RREB1: variants seen among roughly 807,000 people sequenced by gnomAD.
RREB1 encodes the protein ras-responsive element-binding protein 1.
Under a neutral mutation model 117.8 loss-of-function variants are expected in RREB1, and 27 were observed. The observed-to-expected ratio is 0.23, with a 90% CI of 0.17 to 0.32. RREB1 has a LOEUF of 0.32. RREB1 is among the 10% of genes least tolerant of loss of function. The pLI is 1.00. For synonymous variants in RREB1, 1,298 were observed against 1,026.7 expected (o/e 1.26, Z -5.05); for missense variants, 2,577 against 2,378.2 (o/e 1.08, Z -1.74).
chr6:7,226,409 A>C (rs1767588977), intron 8 of RREB1, 58 bp from the exon 9 acceptor site: 5 of 1,322,904 alleles, frequency 3.8e-6, no homozygotes, highest in Non-Finnish European at 5.1e-6. Flanking sequence ...CTCTGACTTA[A>C]CTGCTTCCTC....
intron 1 of RREB1, among the ~76,000 whole-genome samples, chr6:7,165,185 CTCTGGAGGCA>C (rs1763867351): frequency 6.6e-6 from 1 of 152,164 alleles, no homozygotes; most frequent in Non-Finnish European, 1.5e-5. Flanking sequence ...TTCCAAGAGG[CTCTGGAGGCA>C]AATATTTTAA....
chr6:7,187,617 G>A, intron 5 of RREB1, 94 bp downstream of exon 5: 1 of 544,220 alleles, frequency 1.8e-6, no homozygotes, highest in Non-Finnish European at 2.7e-6. Context: ...AGAAGAGGGG[G>A]AAGAGTAGAA....
intron 11 of RREB1, among the ~76,000 whole-genome samples, chr6:7,242,642 T>TCCCC (rs1554128689): frequency 7.4e-6 from 1 of 134,728 alleles, no homozygotes; most frequent in African/African-American, 2.8e-5. Flanking sequence ...CATTCTGGGT[T>TCCCC]CCCCCCCCCC....
At chr6:7,179,120 C>T (rs955817378) in intron 2 of RREB1, among the ~76,000 whole-genome samples, 1 of 152,094 alleles carries the variant, frequency 6.6e-6, no homozygotes, top group Non-Finnish European at 1.5e-5. Context: ...CCCTCCTCTC[C>T]ACTTCCTTCC....
At position 7,120,675 on chromosome 6, in the gene RREB1, A is replaced by AT. The variant is rs5874078; in HGVS notation, c.-285+12629dup. Among the ~76,000 whole-genome samples, 840 of 145,674 alleles carry AT rather than the reference A, an allele frequency of 5.8e-3. 13 individuals are homozygous for AT. In the East Asian group the frequency reaches 0.061, roughly 11 times the overall value. On this transcript the variant is annotated intron_variant, in intron 1 of 12. Transcript: ENST00000379938. ...TGATTTTTAGATGAGATGTACACCT[A>AT]TTTTTTTTTTTTTTGAGACAAGGCC...
intron 6 of RREB1, 114 bp from the exon 7 acceptor site, chr6:7,210,690 A>G: frequency 1.2e-6 from 1 of 824,534 alleles, no homozygotes; most frequent in Non-Finnish European, 1.9e-6. Context: ...ATTATACCTC[A>G]TATCTCTTAA....
Position 7,240,500 on chromosome 6 carries a change from C to T in RREB1, c.3871C>T (p.Arg1291Cys). ...CTTTTCTACCAAATCTAACTGTGAA[C>T]GCCACCAGTTGCGCAAACACGGAGT... is the stretch of plus-strand genomic sequence containing the variant. ...AFFSTKSNCE[R>C]HQLRKHGVTT... Residue 1291 changes from arginine (R) to cysteine (C), a missense_variant, in exon 11 of 13, where the codon CGC becomes TGC. By Grantham distance (180) the Arg-to-Cys change is radical. Coordinates refer to ENST00000379938, the MANE Select transcript of RREB1 (RefSeq NM_001003699.4). 1 of 1,613,940 alleles carries T rather than the reference C, an allele frequency of 6.2e-7. No homozygotes were observed. The highest frequency in any genetic ancestry group is 8.5e-7 in the Non-Finnish European group (1 of 1,179,912).
At chr6:7,153,237 A>ATT (rs559343155) in intron 1 of RREB1, among the ~76,000 whole-genome samples, 217 of 148,150 alleles carry the variant, frequency 1.5e-3, no homozygotes, top group Non-Finnish European at 2.4e-3. Context: ...TAGAACTATT[A>ATT]TTTTTTTTTA....
chr6:7,217,885 T>C (rs1359143858), intron 8 of RREB1: 1 of 152,224 alleles, frequency 6.6e-6, no homozygotes, highest in Admixed American at 6.5e-5. Flanking sequence ...CAGGTGCGAT[T>C]CACTTGGCAG....
rs1293234927 is a variant in RREB1 at position 7,231,285 on chromosome 6, G to A, written c.3186G>A (p.Leu1062=). Residue 1062 remains leucine, a synonymous_variant, in exon 10 of 13, where the codon CTG becomes CTA. Transcript: ENST00000379938. The part of the protein sequence containing the change: ...LLPKPPVTEE[L]PPLASIAQII... Reference sequence around the variant, plus strand: ...CAAAGCCCCCCGTGACAGAAGAGCTGCCCCCGCTGGCCTCCATTGCCCAGA... The same window carrying A: ...CAAAGCCCCCCGTGACAGAAGAGCTACCCCCGCTGGCCTCCATTGCCCAGA... 1 of 1,608,062 alleles carries A rather than the reference G, an allele frequency of 6.2e-7. No homozygotes were observed. The highest frequency in any genetic ancestry group is 1.3e-5 in the African/African-American group (1 of 74,712).
At chr6:7,232,766 T>TTC (rs1554127724) in intron 10 of RREB1, among the ~76,000 whole-genome samples, 7 of 149,704 alleles carry the variant, frequency 4.7e-5, no homozygotes, top group African/African-American at 1.5e-4. Context: ...TCTTTTTCTT[T>TTC]TTTTTTTTTT....
intron 11 of RREB1, among the ~76,000 whole-genome samples, chr6:7,244,190 G>A (rs1205128825): frequency 6.6e-6 from 1 of 151,778 alleles, no homozygotes; most frequent in African/African-American, 2.4e-5. Context: ...CTGAACCCAG[G>A]AGGCAGAGGT....
intron 4 of RREB1, among the ~76,000 whole-genome samples, chr6:7,186,930 G>A (rs1765112055): frequency 6.6e-6 from 1 of 152,216 alleles, no homozygotes. Context: ...TGGGTGCACA[G>A]CTAGGCACTG....
intron 1 of RREB1, among the ~76,000 whole-genome samples, chr6:7,139,542 A>G (rs560856113): frequency 3.3e-5 from 5 of 152,374 alleles, no homozygotes; most frequent in African/African-American, 1.2e-4. Context: ...TTATTTTTGC[A>G]TAAAATAGTT....
intron 1 of RREB1, among the ~76,000 whole-genome samples, chr6:7,164,232 C>T (rs1763813784): frequency 6.6e-6 from 1 of 152,172 alleles, no homozygotes; most frequent in Non-Finnish European, 1.5e-5. Context: ...GGCTTCTGTT[C>T]CTCACCTCCC....
intron 2 of RREB1, 75 bp from the exon 3 acceptor site, chr6:7,181,049 T>C (rs188332556): frequency 1.0e-3 from 397 of 396,384 alleles, no homozygotes; most frequent in Admixed American, 1.7e-3. Context: ...TCTAAGATTA[T>C]AGCCAATAAA....
At chr6:7,113,569 G>A (rs780160324) in intron 1 of RREB1, among the ~76,000 whole-genome samples, 118 of 152,126 alleles carry the variant, frequency 7.8e-4, no homozygotes, top group Non-Finnish European at 1.2e-3. Context: ...ACAGCTGCGC[G>A]GTGGTCCACC....
intron 6 of RREB1, among the ~76,000 whole-genome samples, chr6:7,198,836 C>T (rs1413061349): frequency 6.6e-6 from 1 of 151,970 alleles, no homozygotes; most frequent in East Asian, 1.9e-4. Context: ...ATGATCATTC[C>T]ACTTAATATG....
chr6:7,209,811 C>T (rs1019325326), intron 6 of RREB1, among the ~76,000 whole-genome samples: 6 of 152,230 alleles, frequency 3.9e-5, no homozygotes, highest in Non-Finnish European at 5.9e-5. Flanking sequence ...ATTTTGCTGT[C>T]TTTCCCTACT....
Sources: allele counts gnomAD v4.1 joint callset (sites outside exome capture counted in the v4.1 genomes callset), GRCh38; gene constraint gnomAD v4.1.1; transcripts MANE v1.5; gene names NCBI Gene and HGNC (gene_info 2026-07-23, HGNC 2026-07-21).